Variants in NR3C2 observed in about 807,000 individuals in gnomAD.
The protein encoded by NR3C2 is mineralocorticoid receptor.
A neutral mutation model predicts 86.4 loss-of-function variants in NR3C2; 15 were observed. That is an observed-to-expected ratio of 0.17 (90% confidence interval 0.12 to 0.27). NR3C2 has a LOEUF of 0.27. Among genes scored for constraint, NR3C2 ranks in the 10% least tolerant of loss-of-function variants. The pLI, the probability that NR3C2 is intolerant of heterozygous loss-of-function variation, is 1.00. For synonymous variants in NR3C2, 458 were observed against 450.5 expected (o/e 1.02, Z -0.21); for missense variants, 960 against 1,195.6 (o/e 0.80, Z 2.91).
At chr4:148,194,889 T>A in intron 3 of NR3C2, 27 bp from the exon 4 acceptor site, 1 of 1,480,832 alleles carries the variant, frequency 6.8e-7, no homozygotes. Flanking sequence ...AAAATAACTG[T>A]TAAAATAGAG....
At chr4:148,374,664 G>T (rs1746585830) in intron 2 of NR3C2, among the ~76,000 whole-genome samples, 1 of 152,102 alleles carries the variant, frequency 6.6e-6, no homozygotes, top group African/African-American at 2.4e-5. Flanking sequence ...GGGAACTGAG[G>T]CAAAGTAGCC....
At chr4:148,255,680 T>C (rs1337904373) in intron 3 of NR3C2, among the ~76,000 whole-genome samples, 1 of 152,200 alleles carries the variant, frequency 6.6e-6, no homozygotes, top group African/African-American at 2.4e-5. Flanking sequence ...ACTGCATACA[T>C]ACTGAGTCTT....
intron 2 of NR3C2, among the ~76,000 whole-genome samples, chr4:148,422,236 A>C (rs1267304917): frequency 6.6e-6 from 1 of 152,132 alleles, no homozygotes; most frequent in Non-Finnish European, 1.5e-5. Context: ...GAAAGCCCAG[A>C]ATGCTTTTAG....
At chr4:148,289,648 C>T (rs1212481578) in intron 2 of NR3C2, among the ~76,000 whole-genome samples, 1 of 152,092 alleles carries the variant, frequency 6.6e-6, no homozygotes, top group Non-Finnish European at 1.5e-5. Context: ...AAATTAATCT[C>T]CTCCCCTTGA....
At chr4:148,255,194 C>T (rs560857745) in intron 3 of NR3C2, among the ~76,000 whole-genome samples, 26 of 152,168 alleles carry the variant, frequency 1.7e-4, no homozygotes, top group Non-Finnish European at 3.8e-4. Context: ...GTGAAACACA[C>T]TTTCCTCTGG....
intron 4 of NR3C2, among the ~76,000 whole-genome samples, chr4:148,165,909 G>T (rs1310092814): frequency 3.3e-5 from 5 of 152,174 alleles, no homozygotes; most frequent in Non-Finnish European, 5.9e-5. Context: ...CATAAAAAAG[G>T]AAAAGCATAG....
rs1244025520 is a variant in NR3C2, at chr4:148,436,852, G to C, written c.9C>G (p.Thr3=). 1 of 1,608,588 alleles carries C rather than the reference G, an allele frequency of 6.2e-7. No individual in the cohort carries two copies. The highest frequency in any genetic ancestry group is 8.5e-7 in the Non-Finnish European group (1 of 1,179,204). Residue 3 remains threonine (T), a synonymous_variant, in exon 2 of 9, where the codon ACC becomes ACG. Transcript: ENST00000358102. The stretch of plus-strand genomic sequence containing the variant: ...CTTCAGGGAGACTGTGGTAGCCTTT[G>C]GTCTCCATCGCTAACAAATAAATTT... ME[T]KGYHSLPEGL... is the part of the protein sequence containing the mutation.
At chr4:148,350,472 A>C (rs1278016128) in intron 2 of NR3C2, among the ~76,000 whole-genome samples, 1 of 152,180 alleles carries the variant, frequency 6.6e-6, no homozygotes, top group Non-Finnish European at 1.5e-5. Context: ...AAAAATCTCA[A>C]CATTTTAGAA....
At chr4:148,269,989 A>G (rs890399978) in intron 2 of NR3C2, among the ~76,000 whole-genome samples, 2 of 152,176 alleles carry the variant, frequency 1.3e-5, no homozygotes, top group Non-Finnish European at 2.9e-5. Flanking sequence ...AGATGCTGAT[A>G]CAGATGGCAT....
intron 2 of NR3C2, among the ~76,000 whole-genome samples, chr4:148,350,349 T>C (rs750688307): frequency 3.9e-5 from 6 of 152,166 alleles, no homozygotes; most frequent in Non-Finnish European, 7.3e-5. Flanking sequence ...CTGAAACTAA[T>C]GGGAATGCTA....
At chr4:148,328,808 C>T (rs1744088853) in intron 2 of NR3C2, among the ~76,000 whole-genome samples, 1 of 152,214 alleles carries the variant, frequency 6.6e-6, no homozygotes, top group South Asian at 2.1e-4. Context: ...CAAAGCCTCG[C>T]AGCCAGTACA....
chr4:148,115,195 TA>T (rs1271417479), intron 7 of NR3C2, among the ~76,000 whole-genome samples: 1 of 152,206 alleles, frequency 6.6e-6, no homozygotes, highest in Non-Finnish European at 1.5e-5. Context: ...TCGTATGTTT[TA>T]AAAAAATTCA....
At chr4:148,177,194 C>T (rs980341350) in intron 4 of NR3C2, among the ~76,000 whole-genome samples, 4 of 152,156 alleles carry the variant, frequency 2.6e-5, no homozygotes, top group Admixed American at 1.3e-4. Context: ...TTACAAATAA[C>T]TTTTACTCTC....
chr4:148,348,626 T>C (rs1025704396), intron 2 of NR3C2, among the ~76,000 whole-genome samples: 2 of 152,136 alleles, frequency 1.3e-5, no homozygotes, highest in African/African-American at 2.4e-5. Flanking sequence ...ATTTTTGTAC[T>C]TGGTTGTAAA....
chr4:148,253,055 C>T (rs1330939750), intron 3 of NR3C2, among the ~76,000 whole-genome samples: 1 of 152,190 alleles, frequency 6.6e-6, no homozygotes, highest in Non-Finnish European at 1.5e-5. Context: ...TTTTGGCTCA[C>T]ACATCCCTAT....
intron 2 of NR3C2, among the ~76,000 whole-genome samples, chr4:148,278,517 C>T (rs1741072820): frequency 6.6e-6 from 1 of 152,116 alleles, no homozygotes; most frequent in Non-Finnish European, 1.5e-5. Context: ...AATGGTAACT[C>T]AAGAAGACTA....
intron 2 of NR3C2, among the ~76,000 whole-genome samples, chr4:148,383,767 G>C (rs1747119522): frequency 6.6e-6 from 1 of 152,002 alleles, no homozygotes; most frequent in African/African-American, 2.4e-5. Flanking sequence ...GGTCAACATG[G>C]TGAAACCCCG....
chr4:148,382,060 G>A (rs6815984), intron 2 of NR3C2, among the ~76,000 whole-genome samples: 43,321 of 152,028 alleles, frequency 0.28, 7,559 homozygotes, highest in East Asian at 0.59. Flanking sequence ...TAAATTCACC[G>A]GTACGTAAAA....
chr4:148,412,821 G>GTACA (rs1553940180), intron 2 of NR3C2, among the ~76,000 whole-genome samples: 1 of 115,954 alleles, frequency 8.6e-6, no homozygotes, highest in Non-Finnish European at 1.9e-5. Context: ...GCACATGTGC[G>GTACA]CACACACACA....
Sources: gnomAD v4.1 joint callset for allele counts (sites outside exome capture counted in the v4.1 genomes callset) on GRCh38, gnomAD v4.1.1 for gene constraint, MANE v1.5 for transcripts, NCBI Gene and HGNC (gene_info 2026-07-23, HGNC 2026-07-21) for gene names.